GRM7: variants seen among roughly 807,000 people sequenced by gnomAD.
The protein encoded by GRM7 is metabotropic glutamate receptor 7.
GRM7 carries 35 observed loss-of-function variants against 84.5 expected under a neutral mutation model. The ratio of observed to expected loss-of-function variants is 0.41; its 90% CI spans 0.32 to 0.55. The LOEUF (loss-of-function observed/expected upper bound fraction) is 0.55, where lower values mean the gene tolerates loss of function less well. Ranked by LOEUF, GRM7 falls within the 20% of genes least tolerant of loss-of-function variation. The pLI is 0.19. For synonymous variants in GRM7, 487 were observed against 455.1 expected, an observed-to-expected ratio of 1.07 and a Z score of -0.89; for missense variants, 1,003 against 1,194.6, an observed-to-expected ratio of 0.84 and a Z score of 2.36.
chr3:7,516,870 G>T (rs955195745), intron 7 of GRM7, among the ~76,000 whole-genome samples: 1 of 152,102 alleles, frequency 6.6e-6, no homozygotes, highest in African/African-American at 2.4e-5. Flanking sequence ...CTTTGCATTG[G>T]CAAGGCTTTG....
intron 7 of GRM7, among the ~76,000 whole-genome samples, chr3:7,494,348 T>C (rs760907502): frequency 2.0e-5 from 3 of 152,214 alleles, no homozygotes; most frequent in Non-Finnish European, 4.4e-5. Flanking sequence ...AGTAAATTGA[T>C]GTTCCCTACA....
chr3:7,087,833 T>C (rs1475433165), intron 1 of GRM7, among the ~76,000 whole-genome samples: 1 of 152,182 alleles, frequency 6.6e-6, no homozygotes, highest in Non-Finnish European at 1.5e-5. Flanking sequence ...ATTAAGTCAT[T>C]ATATAGATGT....
chr3:7,307,499 A>G (rs1193856711), intron 4 of GRM7, among the ~76,000 whole-genome samples: 7 of 152,114 alleles, frequency 4.6e-5, no homozygotes, highest in Non-Finnish European at 1.0e-4. Flanking sequence ...TGCATTTTCT[A>G]TTCTCTCTCC....
At chr3:7,323,259 A>G (rs1700855548) in intron 4 of GRM7, among the ~76,000 whole-genome samples, 1 of 152,174 alleles carries the variant, frequency 6.6e-6, no homozygotes, top group Non-Finnish European at 1.5e-5. Flanking sequence ...AGCCTATCCC[A>G]CATAGTGCAT....
At chr3:7,056,659 T>C (rs1697234759) in intron 1 of GRM7, among the ~76,000 whole-genome samples, 2 of 151,996 alleles carry the variant, frequency 1.3e-5, no homozygotes, top group African/African-American at 2.4e-5. Flanking sequence ...CTGAGATCTA[T>C]TTACCATCCT....
intron 8 of GRM7, among the ~76,000 whole-genome samples, chr3:7,655,311 G>T (rs1247611394): frequency 2.0e-5 from 3 of 152,178 alleles, no homozygotes; most frequent in Non-Finnish European, 4.4e-5. Context: ...TGGCCATCAA[G>T]CTAGCCATGT....
At chr3:7,104,900 A>G (rs141700362) in intron 1 of GRM7, among the ~76,000 whole-genome samples, 1 of 151,942 alleles carries the variant, frequency 6.6e-6, no homozygotes, top group African/African-American at 2.4e-5. Flanking sequence ...ATGTTAATCA[A>G]TATAATACAA....
chr3:6,963,101 A>G lies in GRM7; in HGVS notation c.519+101194A>G, dbSNP rs917167992. ...AAAAAGAGCCTTGGTGGTCTATGGT[A>G]ACCCTTATTTTCTTTGGAGATGTTT... On this transcript the variant is annotated intron_variant, in intron 1 of 9. Transcript: ENST00000357716. 2.6e-5 allele frequency among the ~76,000 whole-genome samples: 4 copies of G among 152,326 alleles called. 1 individual carries two copies. Among genetic ancestry groups the G allele is most frequent in the Admixed American group, 2.6e-4 (4 of 15,304 alleles).
At chr3:7,569,402 G>A (rs941347469) in intron 7 of GRM7, among the ~76,000 whole-genome samples, 17 of 152,060 alleles carry the variant, frequency 1.1e-4, no homozygotes, top group African/African-American at 3.6e-4. Context: ...ATCTAGTGGG[G>A]ACATGGAGAA....
At chr3:7,547,781 G>A (rs923297193) in intron 7 of GRM7, among the ~76,000 whole-genome samples, 7 of 152,092 alleles carry the variant, frequency 4.6e-5, no homozygotes, top group African/African-American at 7.2e-5. Context: ...GCAAAATAAC[G>A]AAAGCAAAGA....
intron 7 of GRM7, among the ~76,000 whole-genome samples, chr3:7,519,050 A>G (rs957838655): frequency 2.0e-5 from 3 of 152,214 alleles, no homozygotes; most frequent in African/African-American, 7.2e-5. Flanking sequence ...CATTTGAGGA[A>G]ATTGAGGCCT....
At chr3:7,006,081 AC>A (rs1486944888) in intron 1 of GRM7, among the ~76,000 whole-genome samples, 2 of 152,176 alleles carry the variant, frequency 1.3e-5, no homozygotes, top group Non-Finnish European at 2.9e-5. Flanking sequence ...TTACTTAACA[AC>A]CTTCCCCCCT....
At chr3:7,425,075 T>C (rs749860039) in intron 5 of GRM7, among the ~76,000 whole-genome samples, 1 of 152,140 alleles carries the variant, frequency 6.6e-6, no homozygotes, top group Non-Finnish European at 1.5e-5. Context: ...TGAACACAAA[T>C]AGATACTTTC....
At chr3:7,340,187 A>G (rs1701584160) in intron 4 of GRM7, among the ~76,000 whole-genome samples, 1 of 152,156 alleles carries the variant, frequency 6.6e-6, no homozygotes, top group Non-Finnish European at 1.5e-5. Flanking sequence ...TGAATGTGTT[A>G]TGGTGTCCGG....
intron 1 of GRM7, among the ~76,000 whole-genome samples, chr3:7,032,309 A>T (rs910940865): frequency 3.3e-5 from 5 of 152,202 alleles, no homozygotes; most frequent in Non-Finnish European, 5.9e-5. Flanking sequence ...ATATGCTCTG[A>T]CATTTATCCT....
At chr3:7,152,350 A>G (rs1242153796) in intron 2 of GRM7, among the ~76,000 whole-genome samples, 2 of 152,182 alleles carry the variant, frequency 1.3e-5, no homozygotes, top group African/African-American at 4.8e-5. Context: ...CTTTTTAGAT[A>G]ATCTTTCTAA....
intron 7 of GRM7, among the ~76,000 whole-genome samples, chr3:7,502,538 C>G (rs1289385918): frequency 1.3e-5 from 2 of 151,992 alleles, no homozygotes; most frequent in East Asian, 3.9e-4. Flanking sequence ...AAGCATAATT[C>G]GAAGATGAAA....
chr3:7,260,673 T>TTGTGTGTGTGTGTGTG (rs71063292), intron 2 of GRM7, among the ~76,000 whole-genome samples: 6,339 of 144,370 alleles, frequency 0.044, 164 homozygotes, highest in East Asian at 0.072. Context: ...TTCTTTTGAA[T>TTGTGTGTGTGTGTGTG]TGTGTGTGTG....
chr3:6,999,461 TG>T (rs1172946007), intron 1 of GRM7, among the ~76,000 whole-genome samples: 1 of 152,202 alleles, frequency 6.6e-6, no homozygotes, highest in Non-Finnish European at 1.5e-5. Flanking sequence ...TTCCAACCTC[TG>T]CCTGTTTCCC....
Sources: allele counts gnomAD v4.1 joint callset (sites outside exome capture counted in the v4.1 genomes callset), GRCh38; gene constraint gnomAD v4.1.1; transcripts MANE v1.5; gene names NCBI Gene and HGNC (gene_info 2026-07-23, HGNC 2026-07-21).